The following CHN2 variants were observed in gnomAD, a reference collection of about 807,000 sequenced individuals.
CHN2 encodes the protein beta-chimaerin.
Under a neutral mutation model 56.3 loss-of-function variants are expected in CHN2, and 35 were observed. The ratio of observed to expected loss-of-function variants is 0.62; its 90% CI spans 0.47 to 0.82. The LOEUF (loss-of-function observed/expected upper bound fraction) is 0.82, where lower values mean the gene tolerates loss of function less well. Among genes scored for constraint, CHN2 ranks in the 40% least tolerant of loss-of-function variants. The pLI, the probability that CHN2 is intolerant of heterozygous loss-of-function variation, is 0.00. For synonymous variants in CHN2, 210 were observed against 212.8 expected (o/e 0.99, Z 0.12); for missense variants, 491 against 580.5 (o/e 0.85, Z 1.58).
At chr7:29,288,832 T>C (rs922142898) in intron 1 of CHN2, 1 of 152,350 alleles carries the variant, frequency 6.6e-6, no homozygotes, top group African/African-American at 2.4e-5. Context: ...AGGCCAGGCA[T>C]GTAGTGGGCA....
intron 1 of CHN2, among the ~76,000 whole-genome samples, chr7:29,239,938 A>T (rs1355551910): frequency 3.3e-5 from 5 of 152,318 alleles, no homozygotes; most frequent in African/African-American, 9.6e-5. Flanking sequence ...GATTTTTTTA[A>T]AAAAATGCAT....
intron 6 of CHN2, among the ~76,000 whole-genome samples, chr7:29,404,312 T>C (rs1257157456): frequency 6.6e-6 from 1 of 152,198 alleles, no homozygotes; most frequent in Non-Finnish European, 1.5e-5. Context: ...CCAATGCATA[T>C]GACAACAGTG....
chr7:29,372,184 A>G (rs561415579), intron 3 of CHN2, among the ~76,000 whole-genome samples: 33 of 151,664 alleles, frequency 2.2e-4, no homozygotes, highest in Non-Finnish European at 3.8e-4. Context: ...TTTTAGCCCC[A>G]CTAGATTCTA....
At chr7:29,228,499 A>G (rs915107600) in intron 1 of CHN2, among the ~76,000 whole-genome samples, 2 of 152,114 alleles carry the variant, frequency 1.3e-5, no homozygotes, top group Non-Finnish European at 2.9e-5. Flanking sequence ...CTCACAATGA[A>G]TTTTTCAGAA....
At chr7:29,336,873 C>G (rs373670848) in intron 1 of CHN2, among the ~76,000 whole-genome samples, 4 of 151,824 alleles carry the variant, frequency 2.6e-5, no homozygotes, top group Non-Finnish European at 4.4e-5. Flanking sequence ...TCTCTCCCTC[C>G]CTGGCACAGG....
intron 6 of CHN2, among the ~76,000 whole-genome samples, chr7:29,407,348 G>T (rs1298453530): frequency 6.6e-6 from 1 of 151,976 alleles, no homozygotes; most frequent in Non-Finnish European, 1.5e-5. Context: ...GTCCTAGGGG[G>T]TGGAGAGGCT....
At chr7:29,201,236 A>T (rs1046545026) in intron 1 of CHN2, among the ~76,000 whole-genome samples, 11 of 152,216 alleles carry the variant, frequency 7.2e-5, no homozygotes, top group African/African-American at 2.7e-4. Context: ...CCAACATTGT[A>T]TAAGAAAATC....
chr7:29,419,473 T>C (rs1433480949), intron 6 of CHN2, among the ~76,000 whole-genome samples: 1 of 152,048 alleles, frequency 6.6e-6, no homozygotes, highest in South Asian at 2.1e-4. Context: ...AAAGCACATA[T>C]AGACAAAAAG....
chr7:29,267,474 C>A (rs1045447821), intron 1 of CHN2, among the ~76,000 whole-genome samples: 1 of 152,122 alleles, frequency 6.6e-6, no homozygotes, highest in Non-Finnish European at 1.5e-5. Context: ...GAACTCTGAC[C>A]TCAAGTGACC....
chr7:29,445,456 A>C (rs981809526), intron 6 of CHN2, among the ~76,000 whole-genome samples: 5 of 152,192 alleles, frequency 3.3e-5, no homozygotes, highest in African/African-American at 1.2e-4. Flanking sequence ...AAATTATGCA[A>C]AATCCAGCTC....
intron 9 of CHN2, among the ~76,000 whole-genome samples, chr7:29,501,047 C>G (rs1370716280): frequency 6.6e-6 from 1 of 152,206 alleles, no homozygotes. Context: ...TTCTGTTATA[C>G]TGGCTATCCA....
At chr7:29,195,649 T>TGTGTGAGA (rs1554358914) in intron 1 of CHN2, among the ~76,000 whole-genome samples, 2 of 130,642 alleles carry the variant, frequency 1.5e-5, no homozygotes, top group South Asian at 2.4e-4. Context: ...TGTGTGTGTG[T>TGTGTGAGA]GAGAGAGAGA....
At chr7:29,185,670 T>A (rs1798617381) in intron 2 of CHN2, 1 of 152,312 alleles carries the variant, frequency 6.6e-6, no homozygotes, top group Middle Eastern at 3.4e-3. Context: ...ATTTGTTTAT[T>A]CTGGAGCGTG....
At chr7:29,463,597 G>A (rs944771407) in intron 6 of CHN2, among the ~76,000 whole-genome samples, 2 of 152,156 alleles carry the variant, frequency 1.3e-5, no homozygotes, top group African/African-American at 4.8e-5. Context: ...TAAAGAGATG[G>A]TTTCTTATCC....
At chr7:29,199,342 G>C (rs1161234926) in intron 1 of CHN2, among the ~76,000 whole-genome samples, 1 of 152,154 alleles carries the variant, frequency 6.6e-6, no homozygotes, top group Non-Finnish European at 1.5e-5. Context: ...TACTGAAACA[G>C]ACATTCTCAC....
intron 6 of CHN2, chr7:29,480,018 C>G (rs776487174): frequency 9.9e-6 from 15 of 1,508,124 alleles, no homozygotes; most frequent in African/African-American, 1.4e-5. Flanking sequence ...CTCAAATCTG[C>G]CGCCTAACAT....
At chr7:29,308,462 G>GGTGTGT (rs10609046) in intron 1 of CHN2, among the ~76,000 whole-genome samples, 2 of 151,190 alleles carry the variant, frequency 1.3e-5, no homozygotes, top group Admixed American at 6.6e-5. Flanking sequence ...AGGTGGTTGG[G>GGTGTGT]GTGTGTGTGT....
intron 12 of CHN2, among the ~76,000 whole-genome samples, chr7:29,511,743 A>G (rs1375325570): frequency 6.9e-6 from 1 of 145,528 alleles, no homozygotes; most frequent in East Asian, 2.0e-4. Context: ...TTTTAATTAT[A>G]TTTTGCTCAT....
At chr7:29,425,289 C>T (rs537596628) in intron 6 of CHN2, among the ~76,000 whole-genome samples, 9 of 152,330 alleles carry the variant, frequency 5.9e-5, no homozygotes, top group African/African-American at 2.2e-4. Context: ...GCTGTCTTCT[C>T]CTCCCACTAC....
Sources: gnomAD v4.1 joint callset for allele counts (sites outside exome capture counted in the v4.1 genomes callset) on GRCh38, gnomAD v4.1.1 for gene constraint, MANE v1.5 for transcripts, NCBI Gene and HGNC (gene_info 2026-07-23, HGNC 2026-07-21) for gene names.